DNM3: variants seen among roughly 807,000 people sequenced by gnomAD.
DNM3 encodes dynamin 3, also known as dynamin-3.
A neutral mutation model predicts 101.6 loss-of-function variants in DNM3; 47 were observed. That is an observed-to-expected ratio of 0.46 (90% confidence interval 0.37 to 0.59). DNM3 has a LOEUF of 0.59. Among genes scored for constraint, DNM3 ranks in the 20% least tolerant of loss-of-function variants. DNM3 has a pLI of 0.00. For missense variants in DNM3, 849 were observed against 1,085.7 expected (o/e 0.78, Z 3.06); for synonymous variants, 385 against 387.9 (o/e 0.99, Z 0.09).
rs747300507 is a variant in DNM3, at chr1:172,409,011, C to T, written c.*1170C>T. On this transcript the variant is annotated 3_prime_UTR_variant, in exon 21 of 21. Transcript: ENST00000627582. The stretch of plus-strand genomic sequence containing the variant: ...GTCACTCCAGAAAAGGGTATTGAAA[C>T]GTTGAAATCTAAAGCAAATTTGCAA... 210 of 985,298 alleles carry T rather than the reference C, an allele frequency of 2.1e-4. No homozygotes were observed. Among genetic ancestry groups the T allele is most frequent in the Non-Finnish European group, 2.3e-4 (195 of 829,878 alleles). The allele number at this position is 985,298 out of a possible 1,614,324, so 61.0% of individuals were successfully genotyped here. A position where few individuals can be genotyped will look rare whatever the true frequency, so the allele number is the denominator to read the frequency against.
chr1:172,014,881 G>A (rs2047351526), intron 4 of DNM3, among the ~76,000 whole-genome samples: 1 of 151,980 alleles, frequency 6.6e-6, no homozygotes, highest in Admixed American at 6.6e-5. Context: ...GGTGATGTAG[G>A]TTTTTATCCT....
At chr1:172,093,171 A>T (rs1201993147) in intron 13 of DNM3, among the ~76,000 whole-genome samples, 2 of 152,114 alleles carry the variant, frequency 1.3e-5, no homozygotes, top group African/African-American at 4.8e-5. Context: ...CCTAAGTTTA[A>T]TTTAACATTG....
chr1:171,996,458 C>T (rs1265080003), intron 4 of DNM3, among the ~76,000 whole-genome samples: 1 of 152,042 alleles, frequency 6.6e-6, no homozygotes, highest in Non-Finnish European at 1.5e-5. Context: ...GAATAACATA[C>T]CTGTAAACAC....
chr1:171,975,000 G>T (rs1393947106), intron 2 of DNM3, among the ~76,000 whole-genome samples: 1 of 151,652 alleles, frequency 6.6e-6, no homozygotes, highest in Non-Finnish European at 1.5e-5. Flanking sequence ...GCACGTGCAT[G>T]CCACCATGCC....
intron 17 of DNM3, among the ~76,000 whole-genome samples, chr1:172,364,204 G>T (rs542129301): frequency 6.6e-6 from 1 of 152,000 alleles, no homozygotes; most frequent in African/African-American, 2.4e-5. Context: ...TATATAGCCT[G>T]GGTTAGTTGT....
intron 13 of DNM3, among the ~76,000 whole-genome samples, chr1:172,102,937 TGTATAGC>T (rs1186274109): frequency 6.6e-6 from 1 of 152,224 alleles, no homozygotes; most frequent in Non-Finnish European, 1.5e-5. Flanking sequence ...TATTAACCAC[TGTATAGC>T]TTATTTAGCA....
At chr1:171,847,953 TCTTC>T (rs2032419712) in intron 1 of DNM3, among the ~76,000 whole-genome samples, 3 of 151,042 alleles carry the variant, frequency 2.0e-5, no homozygotes, top group East Asian at 3.9e-4. Flanking sequence ...GCTTAGCTTT[TCTTC>T]CTTTAATAGT....
At chr1:172,318,891 A>T (rs983147743) in intron 16 of DNM3, among the ~76,000 whole-genome samples, 1 of 152,212 alleles carries the variant, frequency 6.6e-6, no homozygotes, top group Admixed American at 6.5e-5. Context: ...AAACTACTTT[A>T]AAGTTCATGT....
At chr1:171,858,022 A>C (rs138443115) in intron 1 of DNM3, among the ~76,000 whole-genome samples, 2 of 152,278 alleles carry the variant, frequency 1.3e-5, no homozygotes, top group African/African-American at 4.8e-5. Context: ...GAACCAGCTG[A>C]ATCTTAATTT....
At chr1:172,192,238 A>G (rs1222370440) in intron 14 of DNM3, among the ~76,000 whole-genome samples, 1 of 152,102 alleles carries the variant, frequency 6.6e-6, no homozygotes, top group Non-Finnish European at 1.5e-5. Flanking sequence ...CCTTTTCTGC[A>G]TCTCTTGAGA....
chr1:172,404,307 A>C (rs967282924), intron 20 of DNM3, among the ~76,000 whole-genome samples: 2 of 151,960 alleles, frequency 1.3e-5, no homozygotes, highest in African/African-American at 4.8e-5. Context: ...ACATCCTTAA[A>C]GAGCTCATAA....
chr1:172,272,515 TCC>T (rs2063127331), intron 15 of DNM3, among the ~76,000 whole-genome samples: 2 of 152,154 alleles, frequency 1.3e-5, no homozygotes, highest in Admixed American at 1.3e-4. Flanking sequence ...TATTTGTTGC[TCC>T]ATAAACCATG....
chr1:172,038,579 C>T (rs1572204347), intron 7 of DNM3, 118 bp downstream of exon 7: 6 of 1,250,300 alleles, frequency 4.8e-6, no homozygotes, highest in Non-Finnish European at 6.7e-6. Context: ...ATGAGGCTAT[C>T]TATATGATAC....
chr1:172,087,235 C>T (rs1040864600), intron 12 of DNM3, among the ~76,000 whole-genome samples: 8 of 152,136 alleles, frequency 5.3e-5, no homozygotes, highest in Admixed American at 3.9e-4. Context: ...TCACTCTAGC[C>T]ACTTCTCAGT....
chr1:171,873,731 A>G (rs2035507729), intron 1 of DNM3, among the ~76,000 whole-genome samples: 1 of 152,242 alleles, frequency 6.6e-6, no homozygotes, highest in Non-Finnish European at 1.5e-5. Context: ...AACCATACGA[A>G]AAACTGTACG....
chr1:171,993,800 T>C (rs573869664), intron 4 of DNM3, among the ~76,000 whole-genome samples: 5 of 152,154 alleles, frequency 3.3e-5, no homozygotes, highest in Admixed American at 3.3e-4. Context: ...TTTCTTTTCC[T>C]TAGACTGGGA....
At chr1:172,102,578 A>T (rs2054726923) in intron 13 of DNM3, among the ~76,000 whole-genome samples, 1 of 152,208 alleles carries the variant, frequency 6.6e-6, no homozygotes, top group South Asian at 2.1e-4. Context: ...AGATTATCTT[A>T]TCTACTCAAA....
intron 15 of DNM3, among the ~76,000 whole-genome samples, chr1:172,274,991 G>C (rs576775563): frequency 6.0e-4 from 92 of 152,104 alleles, no homozygotes; most frequent in Middle Eastern, 6.8e-3. Context: ...GCAGTTCTGG[G>C]ACCTGAAGCA....
At chr1:172,260,004 G>A (rs746657100) in intron 15 of DNM3, among the ~76,000 whole-genome samples, 11 of 148,616 alleles carry the variant, frequency 7.4e-5, no homozygotes, top group Non-Finnish European at 1.1e-4. Flanking sequence ...ATTTCTTATA[G>A]GGGTGGTCTA....
Sources: allele counts gnomAD v4.1 joint callset (sites outside exome capture counted in the v4.1 genomes callset), GRCh38; gene constraint gnomAD v4.1.1; transcripts MANE v1.5; gene names NCBI Gene and HGNC (gene_info 2026-07-23, HGNC 2026-07-21).